Variants in CCNT1 observed in about 807,000 individuals in gnomAD.
CCNT1 encodes the protein cyclin-T1.
In CCNT1, 18 loss-of-function variants were observed where a neutral mutation model predicts 67.3. The ratio of observed to expected loss-of-function variants is 0.27; its 90% confidence interval spans 0.18 to 0.40. The LOEUF (loss-of-function observed/expected upper bound fraction) is 0.40, where lower values mean the gene tolerates loss of function less well. Among genes scored for constraint, CCNT1 ranks in the 10% least tolerant of loss-of-function variants. The probability of loss-of-function intolerance (pLI) is 1.00; values close to 1 mark genes in which losing one functional copy is unlikely to be tolerated. For missense variants in CCNT1, 744 were observed against 884.9 expected (o/e 0.84, Z 2.02); for synonymous variants, 333 against 310.3 (o/e 1.07, Z -0.77).
chr12:48,713,970 C>A (rs567092670), intron 2 of CCNT1, among the ~76,000 whole-genome samples: 2 of 152,162 alleles, frequency 1.3e-5, no homozygotes. Flanking sequence ...TCTTGGCTCA[C>A]TGCATCCTCA....
Position 48,693,666 on chromosome 12 carries a change from A to G in CCNT1, c.1548T>C (p.Asn516=). The G allele has an allele frequency of 1.2e-6, 2 of 1,614,122 alleles. No homozygotes were observed. Among genetic ancestry groups the G allele is most frequent in the Non-Finnish European group, 1.7e-6 (2 of 1,180,026 alleles). The change falls in exon 9 of 9, where the codon AAT becomes AAC. Residue 516 remains asparagine (N), a synonymous_variant. Coordinates refer to ENST00000261900, the MANE Select transcript of CCNT1 (RefSeq NM_001240.4). ...HKEKHKTHPS[N]HHHHHNHHSH... Reference sequence around the variant, plus strand: ...AGTGGTGATTATGATGATGATGATGATTAGATGGGTGAGTCTTGTGCTTTT... The same window carrying G: ...AGTGGTGATTATGATGATGATGATGGTTAGATGGGTGAGTCTTGTGCTTTT...
intron 2 of CCNT1, among the ~76,000 whole-genome samples, chr12:48,709,983 C>T (rs931114665): frequency 1.3e-5 from 2 of 151,938 alleles, no homozygotes; most frequent in Admixed American, 6.6e-5. Context: ...CTCCACCTCC[C>T]GGGTTCAAGC....
At chr12:48,711,134 CA>C (rs1253032234) in intron 2 of CCNT1, among the ~76,000 whole-genome samples, 1 of 151,836 alleles carries the variant, frequency 6.6e-6, no homozygotes, top group African/African-American at 2.4e-5. Context: ...GTAATCCCAG[CA>C]CTCTGGAAGG....
At position 48,695,810 on chromosome 12, in the gene CCNT1, T is replaced by C; in HGVS notation, c.726A>G (p.Leu242=). 1 of 1,611,854 alleles carries C rather than the reference T, an allele frequency of 6.2e-7. No homozygotes were observed. The highest frequency in any genetic ancestry group is 1.3e-5 in the African/African-American group (1 of 74,972). The change falls in exon 8 of 9, where the codon CTA becomes CTG. Residue 242 remains leucine (L), a synonymous_variant. Coordinates refer to ENST00000261900, the MANE Select transcript of CCNT1 (RefSeq NM_001240.4). ...ELLDELTHEF[L]QILEKTPNRL... ...TGTTGGGAGTTTTCTCCAAAATCTG[T>C]AGAAACTCATGTGTCAGTTCTACAA...
chr12:48,691,775 T>C lies in CCNT1; in HGVS notation c.*1258A>G, dbSNP rs777138809. On this transcript the variant is annotated 3_prime_UTR_variant, in exon 9 of 9. Coordinates refer to ENST00000261900, the MANE Select transcript of CCNT1 (RefSeq NM_001240.4). ...TCACAAGCTCCAATCTCAAGTCATATAGGCTGCAAAAACTTGAGGATGTAG... is the reference window on the plus strand; with the variant it reads ...TCACAAGCTCCAATCTCAAGTCATACAGGCTGCAAAAACTTGAGGATGTAG... 6.6e-6 allele frequency: 1 copy of C among 152,206 alleles called. No individual in the cohort carries two copies. Among genetic ancestry groups the C allele is most frequent in the Non-Finnish European group, 1.5e-5 (1 of 68,028 alleles). 9.4% of individuals were successfully genotyped at this position (152,206 alleles called of 1,614,324 possible).
Position 48,693,704 on chromosome 12 carries a change from G to C in CCNT1, c.1510C>G (p.Arg504Gly), listed in dbSNP as rs769023522. Reference sequence around the variant, plus strand: ...GTCTTGTGCTTTTCTTTGTGCTCTCGGCTCTTTGTAACACTGTCCTCTACA... The same window carrying C: ...GTCTTGTGCTTTTCTTTGTGCTCTCCGCTCTTTGTAACACTGTCCTCTACA... Reference protein sequence around the residue: ...NSVEDSVTKSREHKEKHKTHP... With the variant: ...NSVEDSVTKSGEHKEKHKTHP... Residue 504 changes from arginine (R) to glycine (G), a missense_variant, in exon 9 of 9, where the codon CGA (arginine) becomes GGA (glycine). By Grantham distance (125) the Arg-to-Gly change is moderately radical. Transcript: ENST00000261900. 3 of 1,613,860 alleles carry C rather than the reference G, an allele frequency of 1.9e-6. No homozygotes were observed. The highest frequency in any genetic ancestry group is 1.7e-6 in the Non-Finnish European group (2 of 1,180,002).
At chr12:48,703,534 T>C (rs1940306230) in intron 3 of CCNT1, among the ~76,000 whole-genome samples, 1 of 149,962 alleles carries the variant, frequency 6.7e-6, no homozygotes, top group African/African-American at 2.5e-5. Context: ...GATTGCACCA[T>C]TGCACTCAAT....
At chr12:48,714,372 C>G (rs1940502088) in intron 2 of CCNT1, 71 bp downstream of exon 2, 1 of 966,176 alleles carries the variant, frequency 1.0e-6, no homozygotes, top group Non-Finnish European at 1.6e-6. Context: ...TAGCAAAGAC[C>G]AACCACAAAT....
intron 3 of CCNT1, among the ~76,000 whole-genome samples, chr12:48,705,293 G>C (rs138657938): frequency 6.6e-6 from 1 of 151,618 alleles, no homozygotes; most frequent in Non-Finnish European, 1.5e-5. Flanking sequence ...TGTTGTTGTT[G>C]TTGTTGTTGT....
In CCNT1 at chr12:48,693,650, T is replaced by G. The variant is rs1429272115; in HGVS notation, c.1564A>C (p.Asn522His). The change falls in exon 9 of 9, where the codon AAT (asparagine) becomes CAT (histidine). Residue 522 changes from asparagine (N) to histidine (H), a missense_variant. Asn to His is a moderately conservative substitution (Grantham distance 68). Around this residue, in one of 3 missense-constraint regions of CCNT1, gnomAD observed 564 missense variants for 574.2 expected, o/e 0.98. Transcript: ENST00000261900. ...THPSNHHHHH[N>H]HHSHKHSHSQ... ...TGAGAGTGCTTGTGTGAGTGGTGAT[T>G]ATGATGATGATGATGATTAGATGGG... 6.8e-6 allele frequency: 11 copies of G among 1,613,956 alleles called. No homozygotes were observed. The highest frequency in any genetic ancestry group is 2.7e-5 in the African/African-American group (2 of 75,020).
intron 4 of CCNT1, 46 bp downstream of exon 4, chr12:48,700,967 T>C: frequency 1.7e-6 from 2 of 1,167,100 alleles, no homozygotes; most frequent in Non-Finnish European, 1.2e-6. Context: ...ATCAAATCAT[T>C]TTATTGCATA....
intron 2 of CCNT1, among the ~76,000 whole-genome samples, chr12:48,713,876 T>C (rs752064167): frequency 2.6e-5 from 4 of 152,132 alleles, no homozygotes; most frequent in African/African-American, 7.2e-5. Context: ...ATGTTGACTT[T>C]AGATGTCTGA....
At position 48,689,554 on chromosome 12, in the gene CCNT1, T is replaced by G. The variant is rs1001856836; in HGVS notation, c.*3479A>C. The G allele has an allele frequency of 2.0e-5, 3 of 152,192 alleles. No individual in the cohort carries two copies. Among genetic ancestry groups the G allele is most frequent in the African/African-American group, 7.2e-5 (3 of 41,432 alleles). 9.4% of individuals were successfully genotyped at this position (152,192 alleles called of 1,614,324 possible). A position where few individuals can be genotyped will look rare whatever the true frequency, so the allele number is the denominator to read the frequency against. ...GGGCTATTTCTCACCATTTGATGAG[T>G]TGCATAGACTGCTTAAATTCTCCCA... On this transcript the variant is annotated 3_prime_UTR_variant, in exon 9 of 9. Transcript: ENST00000261900.
intron 2 of CCNT1, among the ~76,000 whole-genome samples, chr12:48,709,811 G>A (rs187627395): frequency 6.6e-6 from 1 of 152,168 alleles, no homozygotes; most frequent in Admixed American, 6.5e-5. Flanking sequence ...TGGGATTACA[G>A]AGTAGTTTTC....
intron 2 of CCNT1, among the ~76,000 whole-genome samples, chr12:48,713,713 G>A (rs1940491435): frequency 6.6e-6 from 1 of 152,158 alleles, no homozygotes; most frequent in South Asian, 2.1e-4. Flanking sequence ...GAGCCCAGAA[G>A]GTTAAGGCTG....
chr12:48,714,398 A>C (rs1392997208), intron 2 of CCNT1, 45 bp downstream of exon 2: 3 of 1,187,854 alleles, frequency 2.5e-6, no homozygotes, highest in East Asian at 2.4e-5. Context: ...AGGTAGGTGG[A>C]ATCAATCACA....
intron 3 of CCNT1, among the ~76,000 whole-genome samples, chr12:48,701,366 C>T (rs1940266264): frequency 1.3e-5 from 2 of 151,508 alleles, no homozygotes; most frequent in African/African-American, 4.9e-5. Flanking sequence ...GCTAAGATTC[C>T]AGGCGCGCAA....
intron 5 of CCNT1, among the ~76,000 whole-genome samples, chr12:48,698,720 C>G (rs534669174): frequency 2.0e-5 from 3 of 152,142 alleles, no homozygotes; most frequent in East Asian, 1.9e-4. Context: ...CACTTTGGGA[C>G]GCCGAGGTGG....
Position 48,689,281 on chromosome 12 carries a change from T to G in CCNT1, c.*3752A>C, listed in dbSNP as rs923431154. 2 of 152,172 alleles carry G rather than the reference T, an allele frequency of 1.3e-5. No homozygotes were observed. The highest frequency in any genetic ancestry group is 4.8e-5 in the African/African-American group (2 of 41,420). 9.4% of individuals were successfully genotyped at this position (152,172 alleles called of 1,614,324 possible). A position where few individuals can be genotyped will look rare whatever the true frequency, so the allele number is the denominator to read the frequency against. On this transcript the variant is annotated 3_prime_UTR_variant, in exon 9 of 9. Coordinates refer to ENST00000261900, the MANE Select transcript of CCNT1 (RefSeq NM_001240.4). ...CTTTAGAAACATTAAAATGGAGAAC[T>G]CTCTCACCCAAAAAGTAATTCTCAT...
Sources: gnomAD v4.1 joint callset for allele counts (sites outside exome capture counted in the v4.1 genomes callset) on GRCh38, gnomAD v4.1.1 for gene constraint, gnomAD v4.1.1 regional missense constraint, MANE v1.5 for transcripts, NCBI Gene and HGNC (gene_info 2026-07-23, HGNC 2026-07-21) for gene names.